KCTD17: variants seen among roughly 807,000 people sequenced by gnomAD.
KCTD17 encodes potassium channel tetramerization domain containing 17.
Under a neutral mutation model 41.5 loss-of-function variants are expected in KCTD17, and 20 were observed. The ratio of observed to expected loss-of-function variants is 0.48; its 90% CI spans 0.34 to 0.70. The LOEUF is 0.70. Among genes scored for constraint, KCTD17 ranks in the 30% least tolerant of loss-of-function variants. The pLI, the probability that KCTD17 is intolerant of heterozygous loss-of-function variation, is 0.01. For synonymous variants in KCTD17, 156 were observed against 173.8 expected (o/e 0.90, Z 0.80); for missense variants, 317 against 427.2 (o/e 0.74, Z 2.27).
intron 2 of KCTD17, among the ~76,000 whole-genome samples, chr22:37,055,726 AATGC>A (rs1568982285): frequency 1.3e-5 from 2 of 151,980 alleles, no homozygotes; most frequent in African/African-American, 4.8e-5. Context: ...CAGTTGGGGG[AATGC>A]ATGGACACAA....
intron 5 of KCTD17, among the ~76,000 whole-genome samples, chr22:37,059,738 C>G (rs1487701309): frequency 6.6e-6 from 1 of 152,204 alleles, no homozygotes; most frequent in African/African-American, 2.4e-5. Context: ...GGTCAGGGCA[C>G]AGTGTGGCAC....
chr22:37,061,751 C>T lies in KCTD17; in HGVS notation c.875+122C>T. ...CACCCACCAAAGTTTCTCATCCGACCTTGGCCTTGGGGGTGAGGCTCTGAG... is the reference window on the plus strand; with the variant it reads ...CACCCACCAAAGTTTCTCATCCGACTTTGGCCTTGGGGGTGAGGCTCTGAG... On this transcript the variant is annotated intron_variant, in intron 8 of 8. Coordinates refer to ENST00000403888, the MANE Select transcript of KCTD17 (RefSeq NM_001282684.2). This position sits in a 1 kb window ranked among gnomAD's most constrained non-coding sequence, Gnocchi z 6.6. 3 of 1,457,918 alleles carry T rather than the reference C, an allele frequency of 2.1e-6. No individual in the cohort carries two copies. Among genetic ancestry groups the T allele is most frequent in the Non-Finnish European group, 1.8e-6 (2 of 1,099,890 alleles). The allele number at this position is 1,457,918 out of a possible 1,614,324, so 90.3% of individuals were successfully genotyped here.
chr22:37,057,048 T>G (rs1354083335), intron 3 of KCTD17, among the ~76,000 whole-genome samples: 3 of 152,136 alleles, frequency 2.0e-5, no homozygotes, highest in Non-Finnish European at 4.4e-5. Context: ...TGACCCAGAA[T>G]GTTCCCTAAG....
chr22:37,054,959 T>A (rs1924924025), intron 2 of KCTD17: 1 of 152,164 alleles, frequency 6.6e-6, no homozygotes. Flanking sequence ...ATCAGAAATT[T>A]ATTTCTCTTG....
At chr22:37,055,207 G>A (rs1387917991) in intron 2 of KCTD17, 2 of 152,224 alleles carry the variant, frequency 1.3e-5, no homozygotes, top group East Asian at 1.9e-4. Context: ...CGCCCCCTTC[G>A]ATGGAGCTCA....
At chr22:37,055,725 G>T (rs962708406) in intron 2 of KCTD17, among the ~76,000 whole-genome samples, 4 of 152,164 alleles carry the variant, frequency 2.6e-5, no homozygotes, top group African/African-American at 7.2e-5. Flanking sequence ...GCAGTTGGGG[G>T]AATGCATGGA....
At chr22:37,052,870 G>C (rs1924659660) in intron 1 of KCTD17, among the ~76,000 whole-genome samples, 1 of 152,220 alleles carries the variant, frequency 6.6e-6, no homozygotes, top group South Asian at 2.1e-4. Context: ...AGGGGGAGAG[G>C]AGTGAGTTTC....
At chr22:37,058,290 C>T (rs1166664317) in intron 4 of KCTD17, among the ~76,000 whole-genome samples, 10 of 152,226 alleles carry the variant, frequency 6.6e-5, no homozygotes. Flanking sequence ...GGGCCTAGTG[C>T]AGAGCCAGAG....
chr22:37,056,603 G>A (rs887181942), intron 3 of KCTD17, among the ~76,000 whole-genome samples, 192 bp downstream of exon 3: 5 of 152,260 alleles, frequency 3.3e-5, no homozygotes, highest in Middle Eastern at 3.4e-3. Flanking sequence ...ACTCGGAGAC[G>A]GACACTGGGG....
At chr22:37,055,119 G>A (rs1924950443) in intron 2 of KCTD17, 1 of 152,506 alleles carries the variant, frequency 6.6e-6, no homozygotes, top group Non-Finnish European at 1.5e-5. Context: ...TCGAGAGCTT[G>A]TTTGGAGGTT....
chr22:37,053,363 C>T lies in KCTD17; in HGVS notation c.298+155C>T, dbSNP rs1257375952. ...GACGGGGCTGATTCCCAAGCATCTGCCTGTGCCGAGCCTGGGGCTCTGCCA... is the reference window on the plus strand; with the variant it reads ...GACGGGGCTGATTCCCAAGCATCTGTCTGTGCCGAGCCTGGGGCTCTGCCA... On this transcript the variant is annotated intron_variant, in intron 2 of 8. Transcript: ENST00000403888. This position sits in a 1 kb window ranked among gnomAD's most constrained non-coding sequence, Gnocchi z 4.1. Among the ~76,000 whole-genome samples the T allele has an allele frequency of 6.6e-6, 1 of 152,234 alleles. No homozygotes were observed. Among genetic ancestry groups the T allele is most frequent in the African/African-American group, 2.4e-5 (1 of 41,458 alleles).
Position 37,061,676 on chromosome 22 carries a change from G to A in KCTD17, c.875+47G>A, listed in dbSNP as rs758700821. On this transcript the variant is annotated intron_variant, in intron 8 of 8. Transcript: ENST00000403888. The surrounding 1 kb of genome is among the most constrained non-coding windows in gnomAD (Gnocchi z 6.6). ...GAGGGAGGGGTGGAGCGAGGAGGGT[G>A]CTCATCTCTTGATCCTTGGACTTGA... The A allele has an allele frequency of 1.9e-6, 3 of 1,548,562 alleles. No individual in the cohort carries two copies. Among genetic ancestry groups the A allele is most frequent in the Admixed American group, 3.8e-5 (2 of 52,810 alleles).
intron 5 of KCTD17, among the ~76,000 whole-genome samples, chr22:37,060,456 C>T (rs1431224906): frequency 1.3e-5 from 2 of 152,162 alleles, no homozygotes; most frequent in Non-Finnish European, 2.9e-5. Context: ...CTTCCTTGGC[C>T]ACATTTCTAC....
Position 37,053,089 on chromosome 22 carries a change from C to G in KCTD17, c.190-11C>G. ...CACTCTTCTCTCACCGAGCATCCCT[C>G]ACCTCCATAGGATGAGACCGGGGCC... On this transcript the variant is annotated splice_polypyrimidine_tract_variant and intron_variant, in intron 1 of 8. Transcript: ENST00000403888. This position sits in a 1 kb window ranked among gnomAD's most constrained non-coding sequence, Gnocchi z 4.1. The G allele has an allele frequency of 5.1e-6, 8 of 1,569,724 alleles. No homozygotes were observed. Among genetic ancestry groups the G allele is most frequent in the Non-Finnish European group, 6.9e-6 (8 of 1,155,920 alleles).
chr22:37,062,800 A>G lies in KCTD17; in HGVS notation c.*206A>G. 1 of 1,167,792 alleles carries G rather than the reference A, an allele frequency of 8.6e-7. No homozygotes were observed. Among genetic ancestry groups the G allele is most frequent in the Non-Finnish European group, 1.2e-6 (1 of 862,108 alleles). The allele number at this position is 1,167,792 out of a possible 1,614,324, so 72.3% of individuals were successfully genotyped here. The stretch of plus-strand genomic sequence containing the variant: ...GGACTGCTCATGGCAGATGTGTGGC[A>G]ATGTCTGGCTGTGTCTCTCCGGCAC... On this transcript the variant is annotated 3_prime_UTR_variant, in exon 9 of 9. Coordinates refer to ENST00000403888, the MANE Select transcript of KCTD17 (RefSeq NM_001282684.2).
intron 5 of KCTD17, among the ~76,000 whole-genome samples, chr22:37,060,326 C>T (rs528465889): frequency 1.7e-4 from 26 of 150,414 alleles, no homozygotes; most frequent in African/African-American, 4.9e-4. Flanking sequence ...CCAGGGCTGA[C>T]GCTGCCCTGC....
Position 37,059,375 on chromosome 22 carries a change from G to A in KCTD17, c.549G>A (p.Val183=). Residue 183 remains valine, a synonymous_variant, in exon 5 of 9, where the codon GTG becomes GTA. Transcript: ENST00000403888. ...GSEDQAEFLC[V]VSKELHSTPN... ...AGGACCAGGCAGAGTTCCTGTGTGT[G>A]GTGTCCAAGGAGCTCCACAGCACCC... 7 of 1,613,104 alleles carry A rather than the reference G, an allele frequency of 4.3e-6. No individual in the cohort carries two copies. Among genetic ancestry groups the A allele is most frequent in the Non-Finnish European group, 5.9e-6 (7 of 1,179,848 alleles).
intron 8 of KCTD17, chr22:37,062,153 G>A: frequency 3.0e-6 from 3 of 985,282 alleles, no homozygotes; most frequent in Non-Finnish European, 3.6e-6. Context: ...TGCTCCCTGT[G>A]GCTTCTTTCG....
rs535130674 is a variant in KCTD17, at chr22:37,058,753, G to T, written c.487-560G>T. ...AGGGCCACTCTGAGAGCCTCTGGGT[G>T]TCTTTGGCAATTGCACAGGCTCTCA... is the stretch of plus-strand genomic sequence containing the variant. On this transcript the variant is annotated intron_variant, in intron 4 of 8. Coordinates refer to ENST00000403888, the MANE Select transcript of KCTD17 (RefSeq NM_001282684.2). 9.8e-5 allele frequency among the ~76,000 whole-genome samples: 15 copies of T among 152,356 alleles called. No homozygotes were observed. In the East Asian group the frequency reaches 2.9e-3, roughly 29 times the overall value.
Sources: gnomAD v4.1 joint callset for allele counts (sites outside exome capture counted in the v4.1 genomes callset) on GRCh38, gnomAD v4.1.1 for gene constraint, Gnocchi (gnomAD v3.1) non-coding constraint, MANE v1.5 for transcripts, NCBI Gene and HGNC (gene_info 2026-07-23, HGNC 2026-07-21) for gene names.